Variants in TEX15 observed in about 807,000 individuals in gnomAD.
TEX15 encodes testis expressed 15, meiosis and synapsis associated.
In TEX15, 171 loss-of-function variants were observed where a neutral mutation model predicts 237.3. That is an observed-to-expected ratio of 0.72 (90% CI 0.64 to 0.82). The LOEUF (loss-of-function observed/expected upper bound fraction) is 0.82. TEX15 is among the 40% of genes least tolerant of loss of function. The probability of loss-of-function intolerance (pLI) is 0.00; values close to 1 mark genes in which losing one functional copy is unlikely to be tolerated. For missense variants in TEX15, 3,750 were observed against 3,646.5 expected (o/e 1.03, Z -0.73); for synonymous variants, 1,338 against 1,269.8 (o/e 1.05, Z -1.14).
intron 8 of TEX15, among the ~76,000 whole-genome samples, 161 bp from the exon 9 acceptor site, chr8:30,840,125 A>G (rs1305044146): frequency 6.6e-6 from 1 of 152,128 alleles, no homozygotes; most frequent in East Asian, 1.9e-4. Context: ...TGACTCTCCT[A>G]GACTTCCCAT....
At chr8:30,899,853 G>A (rs1363361871) in intron 1 of TEX15, among the ~76,000 whole-genome samples, 2 of 152,224 alleles carry the variant, frequency 1.3e-5, no homozygotes, top group East Asian at 1.9e-4. Context: ...CTATTATAAT[G>A]AGCTTTCATG....
intron 1 of TEX15, among the ~76,000 whole-genome samples, chr8:30,909,401 C>CCG (rs1563282145): frequency 1.4e-5 from 2 of 142,784 alleles, no homozygotes; most frequent in African/African-American, 5.4e-5. Context: ...CAGACCCCCC[C>CCG]CCGCCCCCAC....
At chr8:30,858,143 C>CCAAGAAATGGAATACT (rs1807950973) in intron 7 of TEX15, among the ~76,000 whole-genome samples, 1 of 152,146 alleles carries the variant, frequency 6.6e-6, no homozygotes, top group Non-Finnish European at 1.5e-5. Context: ...AATACTCTTT[C>CCAAGAAATGGAATACT]CATTTATCCA....
At chr8:30,877,640 T>C (rs1399608466) in intron 3 of TEX15, among the ~76,000 whole-genome samples, 1 of 152,200 alleles carries the variant, frequency 6.6e-6, no homozygotes, top group African/African-American at 2.4e-5. Flanking sequence ...ATTTTGTGGA[T>C]GTATAACTTT....
Position 30,848,634 on chromosome 8 carries a change from G to T in TEX15, c.1533C>A (p.His511Gln). The T allele has an allele frequency of 6.2e-7, 1 of 1,614,154 alleles. No homozygotes were observed. Among genetic ancestry groups the T allele is most frequent in the Non-Finnish European group, 8.5e-7 (1 of 1,180,020 alleles). ...AGTCATAGTCCTCAGAGCCCATGTT[G>T]TGAGCCCAAGATTGTGAATCATTAA... is the stretch of plus-strand genomic sequence containing the variant. Reference protein sequence around the residue: ...TSVNDSQSWAHNMGSEDYDCI... With the variant: ...TSVNDSQSWAQNMGSEDYDCI... The change falls in exon 8 of 11, where the codon CAC becomes CAA. Residue 511 changes from histidine (H) to glutamine (Q), a missense_variant. By Grantham distance (24) the His-to-Gln change is conservative. Coordinates refer to ENST00000643185, the MANE Select transcript of TEX15 (RefSeq NM_001350162.2).
chr8:30,912,418 G>C (rs910284492), intron 1 of TEX15, among the ~76,000 whole-genome samples: 4 of 151,960 alleles, frequency 2.6e-5, no homozygotes, highest in Non-Finnish European at 4.4e-5. Context: ...GCTCCGCGCT[G>C]CCTTCTGCTG....
At position 30,837,028 on chromosome 8, in the gene TEX15, C is replaced by G. The variant is rs899754646; in HGVS notation, c.9256G>C (p.Gly3086Arg). The change falls in exon 10 of 11, where the codon GGC becomes CGC. Residue 3086 changes from glycine to arginine, a missense_variant. Coordinates refer to ENST00000643185, the MANE Select transcript of TEX15 (RefSeq NM_001350162.2). ...GAGTACAGAAGATTAGAATGTGTGC[C>G]CTGGGCAGTACTTGCAACTGTGGTC... ...LLTTVASTAQ[G>R]THSNLLYSQY... 2.5e-6 allele frequency: 4 copies of G among 1,613,934 alleles called. No individual in the cohort carries two copies. The highest frequency in any genetic ancestry group is 3.3e-5 in the Admixed American group (2 of 59,982).
rs1455477188 is a variant in TEX15 at position 30,848,047 on chromosome 8, A to C, written c.2120T>G (p.Leu707Arg). The C allele has an allele frequency of 6.2e-7, 1 of 1,613,828 alleles. No homozygotes were observed. Among genetic ancestry groups the C allele is most frequent in the South Asian group, 1.1e-5 (1 of 91,072 alleles). ...TIKDKDELDHLALEWQITPSF... is the reference protein window; with the variant it reads ...TIKDKDELDHRALEWQITPSF... ...TGGAGTAATTTGCCATTCCAATGCT[A>C]GATGATCTAGTTCATCCTTATCCTT... The change falls in exon 8 of 11, where the codon CTA becomes CGA. Residue 707 changes from leucine to arginine, a missense_variant. Transcript: ENST00000643185.
At chr8:30,903,056 C>T (rs182535604) in intron 1 of TEX15, among the ~76,000 whole-genome samples, 1 of 152,170 alleles carries the variant, frequency 6.6e-6, no homozygotes, top group Non-Finnish European at 1.5e-5. Flanking sequence ...GTTGAATCAA[C>T]CAACCTCCAT....
Position 30,844,468 on chromosome 8 carries a change from C to G in TEX15, c.5699G>C (p.Ser1900Thr). The change falls in exon 8 of 11, where the codon AGC (serine) becomes ACC (threonine). Residue 1900 changes from serine to threonine, a missense_variant. Ser to Thr is a moderately conservative substitution (Grantham distance 58). Coordinates refer to ENST00000643185, the MANE Select transcript of TEX15 (RefSeq NM_001350162.2). ...ITTNLIDSHL[S>T]TKNTTTESVP... The stretch of plus-strand genomic sequence containing the variant: ...TGACTCAGTGGTAGTATTTTTAGTG[C>G]TCAGATGGGAATCAATCAAGTTAGT... The G allele has an allele frequency of 6.2e-7, 1 of 1,613,154 alleles. No individual in the cohort carries two copies. Among genetic ancestry groups the G allele is most frequent in the Non-Finnish European group, 8.5e-7 (1 of 1,179,522 alleles).
chr8:30,897,750 T>A (rs563140838), intron 2 of TEX15, among the ~76,000 whole-genome samples: 6 of 152,210 alleles, frequency 3.9e-5, no homozygotes, highest in Non-Finnish European at 8.8e-5. Context: ...AACCTTGAAT[T>A]CCTGGGCTCA....
chr8:30,847,541 C>T lies in TEX15; in HGVS notation c.2626G>A (p.Glu876Lys). The change falls in exon 8 of 11, where the codon GAA (glutamate) becomes AAA (lysine). Residue 876 changes from glutamate (E) to lysine (K), a missense_variant. Coordinates refer to ENST00000643185, the MANE Select transcript of TEX15 (RefSeq NM_001350162.2). ...EAKENSASCVENNIENIYGDK... is the reference protein window; with the variant it reads ...EAKENSASCVKNNIENIYGDK... Reference sequence around the variant, plus strand: ...CCATATATGTTCTCTATGTTGTTTTCTACACATGAAGCACTATTCTCTTTA... The same window carrying T: ...CCATATATGTTCTCTATGTTGTTTTTTACACATGAAGCACTATTCTCTTTA... 2 of 1,613,088 alleles carry T rather than the reference C, an allele frequency of 1.2e-6. No homozygotes were observed. Among genetic ancestry groups the T allele is most frequent in the Non-Finnish European group, 1.7e-6 (2 of 1,179,820 alleles).
intron 2 of TEX15, among the ~76,000 whole-genome samples, chr8:30,897,115 G>A (rs1185747233): frequency 2.0e-5 from 3 of 152,180 alleles, no homozygotes; most frequent in Non-Finnish European, 2.9e-5. Flanking sequence ...AAGGATTTAT[G>A]AAATAAAATA....
In TEX15 at chr8:30,846,150, G is replaced by C; in HGVS notation, c.4017C>G (p.Phe1339Leu). Residue 1339 changes from phenylalanine (F) to leucine (L), a missense_variant, in exon 8 of 11, where the codon TTC becomes TTG. Physicochemically the swap from Phe to Leu is conservative, Grantham distance 22. Transcript: ENST00000643185. ...RLTSQDSSEC[F>L]SSLSQGRIKT... ...TAATTCGTCCTTGGGATAATGAAGA[G>C]AAACACTCAGATGAGTCTTGACTGG... The C allele has an allele frequency of 6.2e-7, 1 of 1,613,506 alleles. No individual in the cohort carries two copies. The highest frequency in any genetic ancestry group is 8.5e-7 in the Non-Finnish European group (1 of 1,179,628).
At position 30,904,073 on chromosome 8, in the gene TEX15, TAATC is replaced by T. The variant is rs1809052878; in HGVS notation, c.-85-5260_-85-5257del. Among the ~76,000 whole-genome samples, 6 of 152,288 alleles carry T rather than the reference TAATC, an allele frequency of 3.9e-5. No individual in the cohort carries two copies. In the South Asian group the frequency reaches 1.2e-3, roughly 32 times the overall value. On this transcript the variant is annotated intron_variant, in intron 1 of 10. Transcript: ENST00000643185. Reference sequence around the variant, plus strand: ...AAGACATTAGGGAAATACAAAGAAATAATCAGATGATTAAAGATAATGACACAAC... The same window carrying T: ...AAGACATTAGGGAAATACAAAGAAATAGATGATTAAAGATAATGACACAAC...
chr8:30,876,444 C>T (rs1808401817), intron 3 of TEX15, among the ~76,000 whole-genome samples: 1 of 152,026 alleles, frequency 6.6e-6, no homozygotes, highest in South Asian at 2.1e-4. Flanking sequence ...ACAATGCTGC[C>T]CACTATGTTT....
chr8:30,849,484 CAAAT>C (rs1379580580), intron 7 of TEX15, among the ~76,000 whole-genome samples, 168 bp from the exon 8 acceptor site: 1 of 151,858 alleles, frequency 6.6e-6, no homozygotes, highest in Non-Finnish European at 1.5e-5. Flanking sequence ...GGATGATTAA[CAAAT>C]AAATAAAATA....
intron 2 of TEX15, chr8:30,888,498 C>T: frequency 1.8e-6 from 1 of 553,392 alleles, no homozygotes; most frequent in Non-Finnish European, 2.9e-6. Context: ...TTCTCTCTCT[C>T]CCCAAACTCC....
In TEX15 at chr8:30,885,721, T is replaced by C. The variant is rs960167703; in HGVS notation, c.136+1446A>G. Among the ~76,000 whole-genome samples the C allele has an allele frequency of 2.6e-5, 4 of 152,214 alleles. No individual in the cohort carries two copies. In the East Asian group the frequency reaches 5.8e-4, roughly 22 times the overall value. On this transcript the variant is annotated intron_variant, in intron 3 of 10. Transcript: ENST00000643185. ...TGGAATAGTCTACAGATGTCTATTA[T>C]ATCAAGTTGACTGATGGTGTTGCTG...
Sources: gnomAD v4.1 joint callset for allele counts (sites outside exome capture counted in the v4.1 genomes callset) on GRCh38, gnomAD v4.1.1 for gene constraint, MANE v1.5 for transcripts, NCBI Gene and HGNC (gene_info 2026-07-23, HGNC 2026-07-21) for gene names.